Variants in SCN1A observed in about 807,000 individuals in gnomAD.
The protein encoded by SCN1A is sodium channel protein type 1 subunit alpha.
In SCN1A, 13 loss-of-function variants were observed where a neutral mutation model predicts 193.7. The ratio of observed to expected loss-of-function variants is 0.07; its 90% CI spans 0.04 to 0.11. The LOEUF (loss-of-function observed/expected upper bound fraction) is 0.11, where lower values mean the gene tolerates loss of function less well. SCN1A is among the 10% of genes least tolerant of loss of function. The probability of loss-of-function intolerance (pLI) is 1.00; values close to 1 mark genes in which losing one functional copy is unlikely to be tolerated. For missense variants in SCN1A, 1,432 were observed against 2,451.1 expected (o/e 0.58, Z 8.78); for synonymous variants, 781 against 843.6 (o/e 0.93, Z 1.29).
rs1688578871 is a variant in SCN1A, at chr2:165,985,867, C to T, written c.*5378G>A. The stretch of plus-strand genomic sequence containing the variant: ...TCTTATATAATAAGAAATTCCAGTG[C>T]ACACATGAAGAATATGCAATTACCA... On this transcript the variant is annotated 3_prime_UTR_variant, in exon 29 of 29. Coordinates refer to ENST00000674923, the MANE Select transcript of SCN1A (RefSeq NM_001165963.4). 1 of 152,090 alleles carries T rather than the reference C, an allele frequency of 6.6e-6. No homozygotes were observed. The highest frequency in any genetic ancestry group is 2.1e-4 in the South Asian group (1 of 4,824). The allele number at this position is 152,090 out of a possible 1,614,324, so 9.4% of individuals were successfully genotyped here.
intron 19 of SCN1A, among the ~76,000 whole-genome samples, chr2:166,031,795 C>T (rs1695595853): frequency 6.6e-6 from 1 of 152,048 alleles, no homozygotes; most frequent in Non-Finnish European, 1.5e-5. Context: ...AATACTCTGT[C>T]CCAGAAATGC....
At chr2:166,140,537 G>T (rs767259320) in intron 1 of SCN1A, among the ~76,000 whole-genome samples, 3 of 152,138 alleles carry the variant, frequency 2.0e-5, no homozygotes, top group Non-Finnish European at 2.9e-5. Flanking sequence ...GCAAGTGAAA[G>T]AATATAACTA....
chr2:166,112,031 A>T (rs1689347804), intron 2 of SCN1A, among the ~76,000 whole-genome samples: 1 of 152,170 alleles, frequency 6.6e-6, no homozygotes, highest in South Asian at 2.1e-4. Flanking sequence ...TGAAATGACA[A>T]AAAAGGATTT....
chr2:165,997,986 C>G, intron 26 of SCN1A, 52 bp downstream of exon 26: 1 of 1,456,894 alleles, frequency 6.9e-7, no homozygotes, highest in Non-Finnish European at 9.6e-7. Flanking sequence ...AGAAAACACT[C>G]CAAGGAATAA....
intron 12 of SCN1A, 104 bp downstream of exon 12, chr2:166,046,666 A>T: frequency 9.6e-7 from 1 of 1,041,310 alleles, no homozygotes; most frequent in Non-Finnish European, 1.5e-6. Context: ...AATCATTATT[A>T]ATTCCTCATA....
chr2:165,998,313 C>G (rs1466113363), intron 25 of SCN1A, 138 bp from the exon 26 acceptor site: 2 of 635,124 alleles, frequency 3.1e-6, no homozygotes, highest in African/African-American at 3.8e-5. Context: ...TCAACTACCT[C>G]TAAAAAACAT....
At chr2:166,068,842 C>T (rs1684117988) in intron 4 of SCN1A, among the ~76,000 whole-genome samples, 1 of 152,152 alleles carries the variant, frequency 6.6e-6, no homozygotes, top group South Asian at 2.1e-4. Flanking sequence ...CCATAATTAA[C>T]AAACATCCAT....
intron 2 of SCN1A, among the ~76,000 whole-genome samples, chr2:166,097,574 C>T (rs1559327131): frequency 6.6e-6 from 1 of 151,878 alleles, no homozygotes; most frequent in Non-Finnish European, 1.5e-5. Flanking sequence ...TTGGTATGTT[C>T]AAAGGTACTT....
intron 23 of SCN1A, among the ~76,000 whole-genome samples, chr2:166,003,137 T>C (rs990572868): frequency 5.3e-5 from 8 of 151,472 alleles, no homozygotes; most frequent in East Asian, 1.9e-4. Context: ...AAAGGCAATA[T>C]ATTAAAGAAC....
chr2:166,016,554 A>T (rs1326674096), intron 19 of SCN1A: 9 of 152,072 alleles, frequency 5.9e-5, no homozygotes, highest in Non-Finnish European at 1.3e-4. Context: ...GAAGACAAAG[A>T]TGGCAGAGAT....
At chr2:166,061,868 A>T (rs536170162) in intron 4 of SCN1A, among the ~76,000 whole-genome samples, 8 of 152,014 alleles carry the variant, frequency 5.3e-5, no homozygotes, top group Admixed American at 2.6e-4. Context: ...GGGCATAATT[A>T]TCAATTGTTC....
Position 166,015,633 on chromosome 2 carries a change from A to G in SCN1A, c.3524T>C (p.Leu1175Pro), listed in dbSNP as rs1457387893. 1.2e-6 allele frequency: 2 copies of G among 1,612,792 alleles called. No homozygotes were observed. Among genetic ancestry groups the G allele is most frequent in the Admixed American group, 1.7e-5 (1 of 59,954 alleles). The change falls in exon 20 of 29, where the codon CTT becomes CCT. Residue 1175 changes from leucine (L) to proline (P), a missense_variant. By Grantham distance (98) the Leu-to-Pro change is moderately conservative (BLOSUM62 -3). Around this residue, in one of 18 missense-constraint regions of SCN1A, gnomAD observed 198 missense variants for 225.8 expected, o/e 0.88. Coordinates refer to ENST00000674923, the MANE Select transcript of SCN1A (RefSeq NM_001165963.4). Reference sequence around the variant, plus strand: ...TTCAGTGAAACAAGCTTCTGGTTCAAGAGTTTCTTCAGGTTCCACTACGGG... The same window carrying G: ...TTCAGTGAAACAAGCTTCTGGTTCAGGAGTTTCTTCAGGTTCCACTACGGG... ...EQPVVEPEETLEPEACFTEGC... is the reference protein window; with the variant it reads ...EQPVVEPEETPEPEACFTEGC...
At chr2:166,098,964 T>G (rs929069520) in intron 2 of SCN1A, among the ~76,000 whole-genome samples, 8 of 152,190 alleles carry the variant, frequency 5.3e-5, no homozygotes, top group Non-Finnish European at 1.2e-4. Flanking sequence ...CAATGCTATT[T>G]CTATCAAACT....
chr2:166,025,795 T>C (rs1283668887), intron 19 of SCN1A, among the ~76,000 whole-genome samples: 2 of 152,214 alleles, frequency 1.3e-5, no homozygotes, highest in African/African-American at 2.4e-5. Context: ...TTCTAATTTC[T>C]CAAAGATATT....
rs766780193 is a variant in SCN1A, at chr2:165,996,003, T to C, written c.4581+10A>G. On this transcript the variant is annotated intron_variant, in intron 27 of 28. Coordinates refer to ENST00000674923, the MANE Select transcript of SCN1A (RefSeq NM_001165963.4). ...TGTATTTTTCCCCCATATCATTTGATACTTCTTACTCCTGGTCGAGGTATA... is the reference window on the plus strand; with the variant it reads ...TGTATTTTTCCCCCATATCATTTGACACTTCTTACTCCTGGTCGAGGTATA... 26 of 1,551,940 alleles carry C rather than the reference T, an allele frequency of 1.7e-5. No individual in the cohort carries two copies. The East Asian group carries it at 5.4e-4, about 32-fold the overall frequency.
chr2:166,015,765 A>G, intron 19 of SCN1A, 38 bp from the exon 20 acceptor site: 1 of 1,611,064 alleles, frequency 6.2e-7, no homozygotes, highest in South Asian at 1.1e-5. Context: ...AAGTCCTTTA[A>G]TTTTGGTAAT....
intron 1 of SCN1A, among the ~76,000 whole-genome samples, chr2:166,133,463 A>G (rs1468523769): frequency 6.6e-6 from 1 of 152,216 alleles, no homozygotes; most frequent in Non-Finnish European, 1.5e-5. Flanking sequence ...ATGAATGTCA[A>G]TCATCTGATG....
chr2:166,107,467 A>C (rs908268979), intron 2 of SCN1A, among the ~76,000 whole-genome samples: 8 of 152,340 alleles, frequency 5.3e-5, no homozygotes, highest in Non-Finnish European at 8.8e-5. Context: ...CAGTTATAAA[A>C]AAAAATCAAA....
chr2:166,006,054 T>C (rs1462400389), intron 23 of SCN1A, among the ~76,000 whole-genome samples: 2 of 151,360 alleles, frequency 1.3e-5, no homozygotes, highest in Admixed American at 6.6e-5. Flanking sequence ...AAATTCACAT[T>C]AGAAATTTTC....
Sources: allele counts gnomAD v4.1 joint callset (sites outside exome capture counted in the v4.1 genomes callset), GRCh38; gene constraint gnomAD v4.1.1; regional missense constraint gnomAD v4.1.1; transcripts MANE v1.5; gene names NCBI Gene and HGNC (gene_info 2026-07-23, HGNC 2026-07-21).